Variants in AGBL4 observed in about 807,000 individuals in gnomAD.
AGBL4 encodes the protein AGBL carboxypeptidase 4.
A neutral mutation model predicts 66.4 loss-of-function variants in AGBL4; 58 were observed. That is an observed-to-expected ratio of 0.87 (90% CI 0.71 to 1.09). The LOEUF is 1.09. Among genes scored for constraint, AGBL4 ranks in the 50% least tolerant of loss-of-function variants. The probability of loss-of-function intolerance (pLI) is 0.00; values close to 1 mark genes in which losing one functional copy is unlikely to be tolerated. For synonymous variants in AGBL4, 234 were observed against 222.9 expected (o/e 1.05, Z -0.44); for missense variants, 579 against 631.0 (o/e 0.92, Z 0.88).
chr1:49,237,778 TTACCTA>T (rs1246768320), intron 4 of AGBL4, among the ~76,000 whole-genome samples: 4 of 151,972 alleles, frequency 2.6e-5, no homozygotes, highest in Non-Finnish European at 4.4e-5. Context: ...TCTACAGTAT[TTACCTA>T]TATTTTTATT....
chr1:49,390,396 T>C (rs2148590786), intron 3 of AGBL4, among the ~76,000 whole-genome samples: 1 of 152,322 alleles, frequency 6.6e-6, no homozygotes, highest in East Asian at 1.9e-4. Flanking sequence ...ATTTGCAATA[T>C]ATCCTAAGAA....
At chr1:49,107,772 C>A (rs187028135) in intron 4 of AGBL4, among the ~76,000 whole-genome samples, 30 of 147,710 alleles carry the variant, frequency 2.0e-4, no homozygotes, top group Admixed American at 1.8e-3. Context: ...GGGTTGAATT[C>A]CTTGCCTGGG....
chr1:49,141,545 C>A (rs1646118139), intron 4 of AGBL4, among the ~76,000 whole-genome samples: 1 of 151,846 alleles, frequency 6.6e-6, no homozygotes. Context: ...CAAATTCCTG[C>A]CAAGACTCTG....
At chr1:48,640,141 C>T (rs1031170166) in intron 8 of AGBL4, among the ~76,000 whole-genome samples, 4 of 152,102 alleles carry the variant, frequency 2.6e-5, no homozygotes, top group Non-Finnish European at 5.9e-5. Context: ...AAGAATGGGG[C>T]TATTTATGGC....
At chr1:48,896,187 A>G (rs540239186) in intron 5 of AGBL4, among the ~76,000 whole-genome samples, 1 of 152,272 alleles carries the variant, frequency 6.6e-6, no homozygotes, top group African/African-American at 2.4e-5. Flanking sequence ...CCTCTAAATC[A>G]TATTCCACAC....
downstream of AGBL4, among the ~76,000 whole-genome samples, chr1:48,531,444 C>T (rs1173559695): frequency 6.6e-6 from 1 of 152,150 alleles, no homozygotes; most frequent in Admixed American, 6.5e-5. Flanking sequence ...GAGAGGGAGT[C>T]CCCTCTATTT....
intron 2 of AGBL4, among the ~76,000 whole-genome samples, chr1:49,724,358 G>T (rs952208751): frequency 6.6e-6 from 1 of 152,064 alleles, no homozygotes; most frequent in Admixed American, 6.6e-5. Context: ...AGTATTTATT[G>T]ACTACAAACT....
chr1:49,280,079 C>T (rs549171210), intron 3 of AGBL4, among the ~76,000 whole-genome samples: 1 of 152,120 alleles, frequency 6.6e-6, no homozygotes, highest in South Asian at 2.1e-4. Flanking sequence ...GATTTTTTTG[C>T]ATGTCTGGCA....
At chr1:49,137,855 C>T (rs1042419319) in intron 4 of AGBL4, among the ~76,000 whole-genome samples, 8 of 151,834 alleles carry the variant, frequency 5.3e-5, no homozygotes, top group Non-Finnish European at 7.4e-5. Flanking sequence ...TTGGACAAGC[C>T]GAAAATAATA....
chr1:48,759,264 C>G, intron 6 of AGBL4: 1 of 1,561,572 alleles, frequency 6.4e-7, no homozygotes, highest in South Asian at 1.2e-5. Flanking sequence ...CCACTTCGCT[C>G]GGCTTCCGCC....
intron 2 of AGBL4, among the ~76,000 whole-genome samples, chr1:49,697,812 T>C (rs570099178): frequency 6.6e-6 from 1 of 152,308 alleles, no homozygotes; most frequent in South Asian, 2.1e-4. Flanking sequence ...GTATTTTGTA[T>C]TAAGCTTCAT....
At position 49,948,412 on chromosome 1, in the gene AGBL4, T is replaced by C. The variant is rs1380445376; in HGVS notation, c.34+75351A>G. Among the ~76,000 whole-genome samples, 11 of 111,450 alleles carry C rather than the reference T, an allele frequency of 9.9e-5. No individual in the cohort carries two copies. The East Asian group carries it at 2.6e-3, about 27-fold the overall frequency. The allele number at this position is 111,450 out of a possible 152,430, so 73.1% of individuals were successfully genotyped here. On this transcript the variant is annotated intron_variant, in intron 1 of 13. Transcript: ENST00000371839. ...ATAAATATATAAATATATATAAATA[T>C]AGATAAATATAGATAAATATATAAA...
intron 6 of AGBL4, among the ~76,000 whole-genome samples, chr1:48,763,352 C>A (rs1432213022): frequency 1.3e-5 from 2 of 152,188 alleles, no homozygotes; most frequent in African/African-American, 4.8e-5. Flanking sequence ...TCAGGGTTTT[C>A]TAAAAGAGCA....
intron 2 of AGBL4, among the ~76,000 whole-genome samples, chr1:49,829,856 A>C (rs1032087850): frequency 2.0e-5 from 3 of 152,080 alleles, no homozygotes; most frequent in Non-Finnish European, 4.4e-5. Flanking sequence ...TAATGAGTGA[A>C]AATATGCACT....
At chr1:49,826,433 A>G (rs1379111089) in intron 2 of AGBL4, among the ~76,000 whole-genome samples, 1 of 152,224 alleles carries the variant, frequency 6.6e-6, no homozygotes, top group Non-Finnish European at 1.5e-5. Flanking sequence ...CAGAGTGACA[A>G]ATCGAAGACT....
At chr1:49,254,553 T>A (rs1412591772) in intron 3 of AGBL4, among the ~76,000 whole-genome samples, 1 of 152,158 alleles carries the variant, frequency 6.6e-6, no homozygotes, top group Non-Finnish European at 1.5e-5. Context: ...TGTTCATGGA[T>A]AGGAAGAATC....
intron 3 of AGBL4, among the ~76,000 whole-genome samples, chr1:49,622,053 G>T (rs1287646673): frequency 6.6e-6 from 1 of 152,150 alleles, no homozygotes; most frequent in Non-Finnish European, 1.5e-5. Context: ...TGAACCTCTA[G>T]GATGTGAAGG....
chr1:49,435,433 C>T (rs892553152), intron 3 of AGBL4, among the ~76,000 whole-genome samples: 1 of 152,058 alleles, frequency 6.6e-6, no homozygotes, highest in African/African-American at 2.4e-5. Flanking sequence ...GTGTGTGATG[C>T]AATAACTATT....
chr1:49,859,303 G>T (rs571353725), intron 1 of AGBL4, among the ~76,000 whole-genome samples: 1 of 152,078 alleles, frequency 6.6e-6, no homozygotes, highest in South Asian at 2.1e-4. Context: ...ACTAAAGACT[G>T]GTATTCCTTC....
Sources: allele counts gnomAD v4.1 joint callset (sites outside exome capture counted in the v4.1 genomes callset), GRCh38; gene constraint gnomAD v4.1.1; transcripts MANE v1.5; gene names NCBI Gene and HGNC (gene_info 2026-07-23, HGNC 2026-07-21).